Variants in ITFG2 observed in about 807,000 individuals in gnomAD.
ITFG2 encodes the protein integrin alpha FG-GAP repeat containing 2.
Under a neutral mutation model 54.4 loss-of-function variants are expected in ITFG2, and 36 were observed. That is an observed-to-expected ratio of 0.66 (90% confidence interval 0.51 to 0.87). ITFG2 has a LOEUF of 0.87. Among genes scored for constraint, ITFG2 ranks in the 40% least tolerant of loss-of-function variants. The pLI is 0.00. For missense variants in ITFG2, 524 were observed against 576.7 expected, an observed-to-expected ratio of 0.91 and a Z score of 0.94; for synonymous variants, 211 against 225.4, an observed-to-expected ratio of 0.94 and a Z score of 0.57.
chr12:2,843,181 G>A (rs550391867), intron 2 of ITFG2, among the ~76,000 whole-genome samples: 1 of 152,286 alleles, frequency 6.6e-6, no homozygotes, highest in Non-Finnish European at 1.5e-5. Context: ...TGAACCCGTG[G>A]AGGGTTAAGG....
At chr12:2,838,807 C>T (rs1404288877) in intron 1 of ITFG2, among the ~76,000 whole-genome samples, 1 of 152,088 alleles carries the variant, frequency 6.6e-6, no homozygotes, top group Non-Finnish European at 1.5e-5. Flanking sequence ...CCCCAGATTG[C>T]CAGAAGAGTG....
At chr12:2,830,613 C>G (rs760864889) in intron 2 of ITFG2, 6 of 1,353,698 alleles carry the variant, frequency 4.4e-6, no homozygotes, top group African/African-American at 1.5e-5. Context: ...TTCTCCCTCC[C>G]TCCCTCTCCC....
chr12:2,857,354 TGCCCTAATGTTCAGGGG>T, intron 2 of ITFG2: 1 of 405,000 alleles, frequency 2.5e-6, no homozygotes, highest in South Asian at 2.6e-5. Flanking sequence ...GGGCCCTTCC[TGCCCTAATGTTCAGGGG>T]GCCCTACCCC....
intron 2 of ITFG2, chr12:2,817,706 T>C: frequency 1.9e-6 from 1 of 536,730 alleles, no homozygotes; most frequent in South Asian, 3.1e-5. Flanking sequence ...CTTAACCGCC[T>C]CAGGTCTTCA....
rs374010430 is a variant in ITFG2 at position 2,840,317 on chromosome 12, G to A, written n.147-525G>A. On this transcript the variant is annotated intron_variant and non_coding_transcript_variant, in intron 1 of 3. Transcript: ENST00000537710. ...TACAAAAAAAAATTAGCTGGGTGTG[G>A]TGGCTCATGCCTGTAGTCCCAGCTA... Among the ~76,000 whole-genome samples, 5 of 152,102 alleles carry A rather than the reference G, an allele frequency of 3.3e-5. No homozygotes were observed. The South Asian group carries it at 1.0e-3, about 32-fold the overall frequency.
intron 2 of ITFG2, chr12:2,857,180 C>A: frequency 3.0e-6 from 2 of 656,852 alleles, no homozygotes; most frequent in Non-Finnish European, 5.5e-6. Context: ...GACCCTTGGG[C>A]CCCTGGCTAC....
rs779380475 is a variant in ITFG2 at position 2,818,240 on chromosome 12, C to T, written c.369C>T (p.Ile123=). Residue 123 remains isoleucine (I), a synonymous_variant, in exon 4 of 12, where the codon ATC becomes ATT. Coordinates refer to ENST00000228799, the MANE Select transcript of ITFG2 (RefSeq NM_018463.4). ...AGCGTCCAGTCTTCAAGCAGCACAT[C>T]CCTGCCAACACCAAGGTCATGCTGA... ...EEQRPVFKQH[I]PANTKVMLIS... 6.2e-7 allele frequency: 1 copy of T among 1,613,834 alleles called. No homozygotes were observed.
intron 2 of ITFG2, among the ~76,000 whole-genome samples, chr12:2,841,724 T>A (rs2098041489): frequency 6.6e-6 from 1 of 152,022 alleles, no homozygotes; most frequent in African/African-American, 2.4e-5. Context: ...TATTGATTTT[T>A]TTTTTTTTCT....
chr12:2,828,767 G>A (rs572317923), downstream of ITFG2, among the ~76,000 whole-genome samples: 5 of 152,246 alleles, frequency 3.3e-5, no homozygotes, highest in East Asian at 1.9e-4. Context: ...GCTTGAACCC[G>A]AGAGGCGGAG....
At chr12:2,831,752 C>G (rs1052747439), downstream of ITFG2, among the ~76,000 whole-genome samples, 1 of 151,976 alleles carries the variant, frequency 6.6e-6, no homozygotes, top group African/African-American at 2.4e-5. Flanking sequence ...TCTCTCTCTT[C>G]TTTCTTTTCT....
intron 3 of ITFG2, chr12:2,859,211 T>G: frequency 6.2e-7 from 1 of 1,612,496 alleles, no homozygotes; most frequent in Non-Finnish European, 8.5e-7. Context: ...ACGGGAGCTC[T>G]GCGGCCCAGC....
chr12:2,821,577 T>C lies in ITFG2; in HGVS notation c.828T>C (p.Phe276=), dbSNP rs1272198254. Residue 276 remains phenylalanine (F), a synonymous_variant, in exon 8 of 12, where the codon TTT becomes TTC. Coordinates refer to ENST00000228799, the MANE Select transcript of ITFG2 (RefSeq NM_018463.4). ...HGTESSGSGL[F]ALCTLDGTLK... ...CTGAGAGTAGTGGCTCTGGCCTCTT[T>C]GCCCTGTGCACCCTGGATGGTGAGC... 6.2e-7 allele frequency: 1 copy of C among 1,614,102 alleles called. No individual in the cohort carries two copies. Among genetic ancestry groups the C allele is most frequent in the Non-Finnish European group, 8.5e-7 (1 of 1,180,048 alleles).
chr12:2,834,604 G>C, upstream of ITFG2: 1 of 1,537,146 alleles, frequency 6.5e-7, no homozygotes, highest in Admixed American at 2.1e-5. Flanking sequence ...GGAAGGAAAA[G>C]GCCAGGGGAC....
chr12:2,852,078 A>G (rs1305514720), intron 2 of ITFG2, among the ~76,000 whole-genome samples: 3 of 152,126 alleles, frequency 2.0e-5, no homozygotes, highest in Admixed American at 1.3e-4. Context: ...TTATAATCTT[A>G]TGGGACCGCT....
chr12:2,828,071 T>C (rs750324829), downstream of ITFG2: 1 of 1,597,248 alleles, frequency 6.3e-7, no homozygotes, highest in Non-Finnish European at 8.6e-7. Context: ...GCAAGGGTTA[T>C]GGCTACCACA....
intron 9 of ITFG2, among the ~76,000 whole-genome samples, chr12:2,822,164 C>G (rs1387339075): frequency 6.6e-6 from 1 of 152,104 alleles, no homozygotes. Context: ...TCAAGCAATC[C>G]TCTCGTCTTA....
At chr12:2,820,681 TC>T (rs1565413679) in intron 5 of ITFG2, 42 bp from the exon 6 acceptor site, 2 of 1,302,046 alleles carry the variant, frequency 1.5e-6, no homozygotes, top group Admixed American at 4.2e-5. Flanking sequence ...GGGACCCACT[TC>T]CTTCTCTCTC....
Position 2,849,893 on chromosome 12 carries a change from G to C in ITFG2, n.301-8119G>C, listed in dbSNP as rs1371578440. On this transcript the variant is annotated intron_variant and non_coding_transcript_variant, in intron 2 of 3. Transcript: ENST00000537710. ...AAAATCACAGAACTCAGCTCAACTGGATAACTGCCTCTTCTCAGTAAGCCT... is the reference window on the plus strand; with the variant it reads ...AAAATCACAGAACTCAGCTCAACTGCATAACTGCCTCTTCTCAGTAAGCCT... Among the ~76,000 whole-genome samples the C allele has an allele frequency of 2.0e-5, 3 of 152,304 alleles. No homozygotes were observed. In the East Asian group the frequency reaches 5.8e-4, roughly 29 times the overall value.
chr12:2,831,395 C>G (rs1007638804), downstream of ITFG2, among the ~76,000 whole-genome samples: 1 of 151,814 alleles, frequency 6.6e-6, no homozygotes, highest in Non-Finnish European at 1.5e-5. Context: ...ACCAGCCTGG[C>G]CAACATGGTG....
Sources: gnomAD v4.1 joint callset for allele counts (sites outside exome capture counted in the v4.1 genomes callset) on GRCh38, gnomAD v4.1.1 for gene constraint, MANE v1.5 for transcripts, NCBI Gene and HGNC (gene_info 2026-07-23, HGNC 2026-07-21) for gene names.